NIPBL: variants seen among roughly 807,000 people sequenced by gnomAD.
The protein encoded by NIPBL is NIPBL cohesin loading factor, also known as nipped-B-like protein.
Under a neutral mutation model 321.8 loss-of-function variants are expected in NIPBL, and 19 were observed. The observed-to-expected ratio is 0.06, with a 90% CI of 0.04 to 0.09. The LOEUF (loss-of-function observed/expected upper bound fraction) is 0.09, where lower values mean the gene tolerates loss of function less well. NIPBL is among the 10% of genes least tolerant of loss of function. NIPBL has a pLI of 1.00. For synonymous variants in NIPBL, 1,106 were observed against 1,114.1 expected, an observed-to-expected ratio of 0.99 and a Z score of 0.14; for missense variants, 2,210 against 3,327.0, an observed-to-expected ratio of 0.66 and a Z score of 8.26.
In NIPBL at chr5:37,065,031, G is replaced by A; in HGVS notation, c.*139G>A. The A allele has an allele frequency of 2.9e-6, 3 of 1,035,588 alleles. No individual in the cohort carries two copies. In the South Asian group the frequency reaches 4.3e-5, roughly 15 times the overall value. 64.1% of individuals were successfully genotyped at this position (1,035,588 alleles called of 1,614,324 possible). Reference sequence around the variant, plus strand: ...GGATGCAGGAACAAAAGAAGGAAATGTTGGGCAAACATTTTTGTGGGAGCT... The same window carrying A: ...GGATGCAGGAACAAAAGAAGGAAATATTGGGCAAACATTTTTGTGGGAGCT... On this transcript the variant is annotated 3_prime_UTR_variant, in exon 47 of 47. Coordinates refer to ENST00000282516, the MANE Select transcript of NIPBL (RefSeq NM_133433.4).
chr5:36,976,860 T>C (rs1204694228), intron 9 of NIPBL, among the ~76,000 whole-genome samples: 1 of 152,094 alleles, frequency 6.6e-6, no homozygotes, highest in African/African-American at 2.4e-5. Flanking sequence ...ACTTGGTTTA[T>C]GATCCTACTG....
Position 36,996,275 on chromosome 5 carries a change from A to G in NIPBL, c.3304+471A>G, listed in dbSNP as rs1181726897. ...CAGAGTGGGGGCTCAGGGAATGCTTACTGGAAGAGGTGACACTTGAGTTGA... is the reference window on the plus strand; with the variant it reads ...CAGAGTGGGGGCTCAGGGAATGCTTGCTGGAAGAGGTGACACTTGAGTTGA... On this transcript the variant is annotated intron_variant, in intron 11 of 46. Coordinates refer to ENST00000282516, the MANE Select transcript of NIPBL (RefSeq NM_133433.4). This position sits in a 1 kb window ranked among gnomAD's most constrained non-coding sequence, Gnocchi z 5.0. Among the ~76,000 whole-genome samples the G allele has an allele frequency of 6.6e-6, 1 of 152,234 alleles. No individual in the cohort carries two copies. Among genetic ancestry groups the G allele is most frequent in the Non-Finnish European group, 1.5e-5 (1 of 68,040 alleles).
At chr5:36,944,878 TCACA>T (rs1739492000) in intron 1 of NIPBL, among the ~76,000 whole-genome samples, 2 of 152,188 alleles carry the variant, frequency 1.3e-5, no homozygotes, top group African/African-American at 4.8e-5. Flanking sequence ...TTGTATATCA[TCACA>T]TATGTTTTGG....
At position 36,994,278 on chromosome 5, in the gene NIPBL, A is replaced by T. The variant is rs531954999; in HGVS notation, c.3122-1344A>T. On this transcript the variant is annotated intron_variant, in intron 10 of 46. Transcript: ENST00000282516. Reference sequence around the variant, plus strand: ...GGATATTACCAGTCATGAGTATTTCATGTTTGTTGGGTAAAATTGTTCCTA... The same window carrying T: ...GGATATTACCAGTCATGAGTATTTCTTGTTTGTTGGGTAAAATTGTTCCTA... Among the ~76,000 whole-genome samples, 19 of 152,280 alleles carry T rather than the reference A, an allele frequency of 1.2e-4. No homozygotes were observed. In the East Asian group the frequency reaches 3.5e-3, roughly 28 times the overall value.
chr5:37,008,577 G>C, intron 19 of NIPBL, 46 bp from the exon 20 acceptor site: 1 of 1,009,972 alleles, frequency 9.9e-7, no homozygotes, highest in Non-Finnish European at 1.6e-6. Flanking sequence ...TTTTTGGTTT[G>C]TTTTCTATTA....
chr5:36,892,167 A>G (rs1746379370), intron 1 of NIPBL, among the ~76,000 whole-genome samples: 1 of 152,218 alleles, frequency 6.6e-6, no homozygotes, highest in Non-Finnish European at 1.5e-5. Context: ...ATCAGGGTTA[A>G]AAGTAGTACA....
chr5:36,928,663 A>C (rs1018512670), intron 1 of NIPBL, among the ~76,000 whole-genome samples: 3 of 152,106 alleles, frequency 2.0e-5, no homozygotes, highest in African/African-American at 7.2e-5. Context: ...CCTCAAGCCT[A>C]TTTGCAGTGA....
chr5:37,027,348 A>C lies in NIPBL; in HGVS notation c.5809-11A>C. ...TATACTTCTAACTTTGATTCTTTTC[A>C]TCACCCTTAGGTTGCAGCATGCAGA... On this transcript the variant is annotated splice_polypyrimidine_tract_variant and intron_variant, in intron 31 of 46. Transcript: ENST00000282516. 1.2e-6 allele frequency: 2 copies of C among 1,602,626 alleles called. No homozygotes were observed. Among genetic ancestry groups the C allele is most frequent in the Non-Finnish European group, 1.7e-6 (2 of 1,169,762 alleles).
chr5:36,896,929 T>C (rs752559769), intron 1 of NIPBL, among the ~76,000 whole-genome samples: 2 of 152,014 alleles, frequency 1.3e-5, no homozygotes, highest in Non-Finnish European at 2.9e-5. Flanking sequence ...TGTACAAATA[T>C]TGCATTTCTT....
Position 36,889,915 on chromosome 5 carries a change from GA to G in NIPBL, c.-80+12747del, listed in dbSNP as rs528508761. On this transcript the variant is annotated intron_variant, in intron 1 of 46. Coordinates refer to ENST00000282516, the MANE Select transcript of NIPBL (RefSeq NM_133433.4). Reference sequence around the variant, plus strand: ...TTTTTTTCAATTGTAGAACCAATGTGAAAAAAAAAACTACATGCTGTTTGGG... The same window carrying G: ...TTTTTTTCAATTGTAGAACCAATGTGAAAAAAAAACTACATGCTGTTTGGG... Among the ~76,000 whole-genome samples the G allele has an allele frequency of 6.2e-3, 891 of 144,054 alleles. 6 individuals are homozygous for G. Among genetic ancestry groups the G allele is most frequent in the Non-Finnish European group, 9.6e-3 (627 of 65,482 alleles). 94.5% of individuals were successfully genotyped at this position (144,054 alleles called of 152,430 possible).
Position 37,064,922 on chromosome 5 carries a change from G to T in NIPBL, c.*30G>T. ...TTTGTACATGCAGCCAAATTTACAG[G>T]AATTTTTTTAAAAGGCAGAAAAACT... On this transcript the variant is annotated 3_prime_UTR_variant, in exon 47 of 47. Transcript: ENST00000282516. 1 of 1,613,510 alleles carries T rather than the reference G, an allele frequency of 6.2e-7. No individual in the cohort carries two copies.
At chr5:36,938,076 CT>C (rs1422749727) in intron 1 of NIPBL, among the ~76,000 whole-genome samples, 7 of 152,194 alleles carry the variant, frequency 4.6e-5, no homozygotes, top group Admixed American at 1.3e-4. Context: ...TCCTTGCCCC[CT>C]GACTTTGGAT....
intron 1 of NIPBL, among the ~76,000 whole-genome samples, chr5:36,927,223 A>G (rs1019525221): frequency 2.0e-5 from 3 of 152,184 alleles, no homozygotes; most frequent in African/African-American, 7.2e-5. Flanking sequence ...ACCAATTTAT[A>G]TAACACTTAC....
In NIPBL at chr5:36,975,937, A is replaced by G. The variant is rs1399782988; in HGVS notation, c.1030A>G (p.Met344Val). ...DEKEQSEKAAMYDIISSPSKD... is the reference protein window; with the variant it reads ...DEKEQSEKAAVYDIISSPSKD... ...AAAAGAGCAGAGTGAGAAAGCGGCAATGTATGATATAATTAGTTCTCCATC... is the reference window on the plus strand; with the variant it reads ...AAAAGAGCAGAGTGAGAAAGCGGCAGTGTATGATATAATTAGTTCTCCATC... The change falls in exon 9 of 47, where the codon ATG becomes GTG. Residue 344 changes from methionine to valine, a missense_variant. By Grantham distance (21) the Met-to-Val change is conservative. Coordinates refer to ENST00000282516, the MANE Select transcript of NIPBL (RefSeq NM_133433.4). The G allele has an allele frequency of 6.2e-7, 1 of 1,613,904 alleles. No individual in the cohort carries two copies. The highest frequency in any genetic ancestry group is 1.1e-5 in the South Asian group (1 of 91,048).
At chr5:36,962,608 T>C (rs1741754531) in intron 6 of NIPBL, among the ~76,000 whole-genome samples, 1 of 152,198 alleles carries the variant, frequency 6.6e-6, no homozygotes, top group Non-Finnish European at 1.5e-5. Context: ...AAGGGACAAT[T>C]ACATTTTAAT....
At chr5:36,902,330 G>T (rs780532246) in intron 1 of NIPBL, among the ~76,000 whole-genome samples, 1 of 151,974 alleles carries the variant, frequency 6.6e-6, no homozygotes, top group Non-Finnish European at 1.5e-5. Flanking sequence ...TGAAATCTTT[G>T]CCAGGGCTGA....
chr5:36,957,975 C>T (rs1415655117), intron 3 of NIPBL, 129 bp from the exon 4 acceptor site: 3 of 824,152 alleles, frequency 3.6e-6, no homozygotes, highest in African/African-American at 2.4e-5. Context: ...AAGAGTGAGA[C>T]TTCGTCTCAA....
intron 6 of NIPBL, among the ~76,000 whole-genome samples, chr5:36,970,423 A>ATG (rs1345222393): frequency 6.7e-6 from 1 of 148,628 alleles, no homozygotes; most frequent in East Asian, 1.9e-4. Context: ...ATATATATAT[A>ATG]TATATATAAA....
intron 8 of NIPBL, among the ~76,000 whole-genome samples, chr5:36,972,865 C>A (rs1213614184): frequency 6.6e-6 from 1 of 152,084 alleles, no homozygotes; most frequent in African/African-American, 2.4e-5. Flanking sequence ...TTTTAAAATT[C>A]TTTTATTCCA....
Sources: allele counts gnomAD v4.1 joint callset (sites outside exome capture counted in the v4.1 genomes callset), GRCh38; gene constraint gnomAD v4.1.1; non-coding constraint Gnocchi (gnomAD v3.1); transcripts MANE v1.5; gene names NCBI Gene and HGNC (gene_info 2026-07-23, HGNC 2026-07-21).